The following CSMD3 variants were observed in gnomAD, a reference collection of about 807,000 sequenced individuals.
The protein encoded by CSMD3 is CUB and sushi domain-containing protein 3.
A neutral mutation model predicts 435.2 loss-of-function variants in CSMD3; 177 were observed. That is an observed-to-expected ratio of 0.41 (90% confidence interval 0.36 to 0.46). The LOEUF is 0.46. CSMD3 is among the 20% of genes least tolerant of loss of function. The pLI is 0.34. For synonymous variants in CSMD3, 1,656 were observed against 1,520.5 expected (o/e 1.09, Z -2.07); for missense variants, 4,265 against 4,504.6 (o/e 0.95, Z 1.52).
At chr8:112,807,278 A>C (rs775190638) in intron 12 of CSMD3, among the ~76,000 whole-genome samples, 5 of 152,208 alleles carry the variant, frequency 3.3e-5, no homozygotes, top group Non-Finnish European at 7.3e-5. Context: ...AATTTCCATT[A>C]CATAGGGAGC....
intron 2 of CSMD3, 127 bp from the exon 3 acceptor site, chr8:113,278,831 C>A: frequency 1.6e-6 from 1 of 626,878 alleles, no homozygotes; most frequent in South Asian, 1.6e-5. Context: ...AGAAGGAATG[C>A]TATCCAGCCA....
chr8:113,399,324 A>G (rs149463720), intron 1 of CSMD3, among the ~76,000 whole-genome samples: 3 of 151,700 alleles, frequency 2.0e-5, no homozygotes, highest in Middle Eastern at 3.4e-3. Flanking sequence ...TCCTAACTAT[A>G]GATCCCAGAG....
intron 5 of CSMD3, among the ~76,000 whole-genome samples, chr8:113,054,588 T>A (rs1436216284): frequency 2.0e-5 from 3 of 152,150 alleles, no homozygotes; most frequent in Non-Finnish European, 4.4e-5. Context: ...ATTTGCTCCT[T>A]CAATCATTCC....
chr8:112,563,650 A>G (rs1279893215), intron 24 of CSMD3, among the ~76,000 whole-genome samples: 1 of 152,048 alleles, frequency 6.6e-6, no homozygotes, highest in Admixed American at 6.6e-5. Flanking sequence ...GCCTAAATGT[A>G]TAGTTGGTGT....
intron 54 of CSMD3, among the ~76,000 whole-genome samples, chr8:112,293,851 A>G (rs756712616): frequency 2.0e-4 from 31 of 152,130 alleles, no homozygotes; most frequent in Non-Finnish European, 4.0e-4. Flanking sequence ...TTTCAGCTGT[A>G]TTGTTAATGT....
chr8:113,006,602 A>G (rs952109670), intron 6 of CSMD3, among the ~76,000 whole-genome samples: 32 of 151,960 alleles, frequency 2.1e-4, no homozygotes, highest in African/African-American at 6.8e-4. Context: ...GGAAATCTAG[A>G]GAGTGAGAGA....
intron 38 of CSMD3, among the ~76,000 whole-genome samples, chr8:112,367,688 C>A (rs552052333): frequency 6.6e-6 from 1 of 152,298 alleles, no homozygotes; most frequent in Non-Finnish European, 1.5e-5. Context: ...TCTTAAATTT[C>A]TTTCCTTGGG....
At chr8:113,350,199 C>T (rs902463352) in intron 1 of CSMD3, among the ~76,000 whole-genome samples, 2 of 151,924 alleles carry the variant, frequency 1.3e-5, no homozygotes, top group African/African-American at 4.8e-5. Context: ...AGAAGATCCA[C>T]CCAGCTAAGC....
rs1825309938 is a variant in CSMD3 at position 112,529,445 on chromosome 8, A to C, written c.4565-12220T>G. ...CCTACAAAAAGTACAAAAATTAGCCAGCAGAGTGGTGCATGTCTGTAGTCT... is the reference window on the plus strand; with the variant it reads ...CCTACAAAAAGTACAAAAATTAGCCCGCAGAGTGGTGCATGTCTGTAGTCT... On this transcript the variant is annotated intron_variant, in intron 27 of 70. Coordinates refer to ENST00000297405, the MANE Select transcript of CSMD3 (RefSeq NM_198123.2). Among the ~76,000 whole-genome samples, 9 of 152,236 alleles carry C rather than the reference A, an allele frequency of 5.9e-5. No individual in the cohort carries two copies. The South Asian group carries it at 1.9e-3, about 32-fold the overall frequency.
intron 13 of CSMD3, among the ~76,000 whole-genome samples, chr8:112,732,327 A>G (rs1227944514): frequency 6.6e-6 from 1 of 152,090 alleles, no homozygotes; most frequent in Non-Finnish European, 1.5e-5. Context: ...GAAGGGAGTG[A>G]GAATGCTTAT....
intron 30 of CSMD3, among the ~76,000 whole-genome samples, chr8:112,499,187 C>A (rs754253654): frequency 2.6e-4 from 40 of 151,248 alleles, no homozygotes; most frequent in Middle Eastern, 3.4e-3. Flanking sequence ...ACAGAAAAAG[C>A]AAAACAAATA....
At chr8:113,354,987 A>G (rs879552808) in intron 1 of CSMD3, among the ~76,000 whole-genome samples, 1 of 152,286 alleles carries the variant, frequency 6.6e-6, no homozygotes, top group African/African-American at 2.4e-5. Context: ...AATTTCAAGT[A>G]TCTTGTCAAG....
At position 112,244,382 on chromosome 8, in the gene CSMD3, G is replaced by A. The variant is rs777565080; in HGVS notation, c.10402+12C>T. On this transcript the variant is annotated intron_variant, in intron 65 of 70. Transcript: ENST00000297405. ...TCTCTTGTGTTAAAAAGATTCTATA[G>A]AGAAAACTTACCTTCACAAATGGGA... 3 of 1,606,926 alleles carry A rather than the reference G, an allele frequency of 1.9e-6. No individual in the cohort carries two copies. The highest frequency in any genetic ancestry group is 2.7e-5 in the African/African-American group (2 of 74,704).
At chr8:112,402,117 A>G (rs1831393894) in intron 35 of CSMD3, among the ~76,000 whole-genome samples, 1 of 152,222 alleles carries the variant, frequency 6.6e-6, no homozygotes, top group Admixed American at 6.5e-5. Context: ...GCTTTTAGTC[A>G]TTTAGCCATA....
At position 112,745,669 on chromosome 8, in the gene CSMD3, C is replaced by T. The variant is rs899944890; in HGVS notation, c.1972+54493G>A. 3.3e-5 allele frequency among the ~76,000 whole-genome samples: 5 copies of T among 151,284 alleles called. No homozygotes were observed. In the East Asian group the frequency reaches 7.8e-4, roughly 23 times the overall value. On this transcript the variant is annotated intron_variant, in intron 13 of 70. Coordinates refer to ENST00000297405, the MANE Select transcript of CSMD3 (RefSeq NM_198123.2). ...ATTTACTAATGTCAATTCTAAGTTT[C>T]TTTTTTTTGTTTTTGGAGTTGTTTT...
chr8:112,705,153 G>A (rs1231491665), intron 13 of CSMD3, among the ~76,000 whole-genome samples: 1 of 152,048 alleles, frequency 6.6e-6, no homozygotes, highest in Non-Finnish European at 1.5e-5. Context: ...ATTTTGAGAT[G>A]AAGGCACTTG....
chr8:112,252,556 C>G (rs1335003840), intron 63 of CSMD3, among the ~76,000 whole-genome samples: 1 of 151,344 alleles, frequency 6.6e-6, no homozygotes, highest in Non-Finnish European at 1.5e-5. Flanking sequence ...CTCAAGATGC[C>G]TTTTGCATAT....
intron 22 of CSMD3, among the ~76,000 whole-genome samples, chr8:112,596,246 A>T (rs1367639728): frequency 6.6e-6 from 1 of 152,210 alleles, no homozygotes; most frequent in East Asian, 1.9e-4. Context: ...CTTTAAACCA[A>T]CAAAGATCAA....
At chr8:113,180,007 C>T (rs774368015) in intron 3 of CSMD3, among the ~76,000 whole-genome samples, 2 of 151,836 alleles carry the variant, frequency 1.3e-5, no homozygotes, top group Non-Finnish European at 2.9e-5. Flanking sequence ...GACATCTTGA[C>T]TACAGAATTG....
Sources: allele counts gnomAD v4.1 joint callset (sites outside exome capture counted in the v4.1 genomes callset), GRCh38; gene constraint gnomAD v4.1.1; transcripts MANE v1.5; gene names NCBI Gene and HGNC (gene_info 2026-07-23, HGNC 2026-07-21).